TMPRSS4: variants seen among roughly 807,000 people sequenced by gnomAD.
TMPRSS4 encodes transmembrane protease serine 4.
In TMPRSS4, 45 loss-of-function variants were observed where a neutral mutation model predicts 56.4. The ratio of observed to expected loss-of-function variants is 0.80; its 90% confidence interval spans 0.63 to 1.02. The LOEUF (loss-of-function observed/expected upper bound fraction) is 1.02, where lower values mean the gene tolerates loss of function less well. TMPRSS4 is among the 50% of genes least tolerant of loss of function. TMPRSS4 has a pLI of 0.00. For synonymous variants in TMPRSS4, 205 were observed against 211.0 expected, an observed-to-expected ratio of 0.97 and a Z score of 0.25; for missense variants, 546 against 556.7, an observed-to-expected ratio of 0.98 and a Z score of 0.19.
At chr11:118,086,855 GT>G (rs1467555559) in intron 1 of TMPRSS4, 1 of 152,870 alleles carries the variant, frequency 6.5e-6, no homozygotes, top group East Asian at 1.9e-4. Context: ...GCTGCTTGCC[GT>G]TGGTTTTGGG....
At chr11:118,099,299 C>A in intron 3 of TMPRSS4, 1 of 489,254 alleles carries the variant, frequency 2.0e-6, no homozygotes, top group South Asian at 3.2e-5. Context: ...TAAGTGGCAG[C>A]CCCTACTTGT....
intron 4 of TMPRSS4, among the ~76,000 whole-genome samples, chr11:118,104,222 C>T (rs11216755): frequency 0.52 from 79,725 of 151,938 alleles, 21,153 homozygotes; most frequent in Middle Eastern, 0.65. Context: ...ATCCTACTGC[C>T]AGTAGGACTT....
In TMPRSS4 at chr11:118,107,998, C is replaced by T. The variant is rs1947084853; in HGVS notation, c.542+123C>T. ...GAATGTAAGCAGACATCAGGAAGAA[C>T]TCCTAGCCAGATGGATCATTCAATG... On this transcript the variant is annotated intron_variant, in intron 6 of 12. Transcript: ENST00000437212. 5.5e-6 allele frequency: 4 copies of T among 721,034 alleles called. No homozygotes were observed. The South Asian group carries it at 7.0e-5, about 13-fold the overall frequency. The allele number at this position is 721,034 out of a possible 1,614,324, so 44.7% of individuals were successfully genotyped here. A position where few individuals can be genotyped will look rare whatever the true frequency, so the allele number is the denominator to read the frequency against.
downstream of TMPRSS4, among the ~76,000 whole-genome samples, chr11:118,124,736 T>G (rs746401822): frequency 4.6e-5 from 7 of 152,206 alleles, no homozygotes; most frequent in Non-Finnish European, 7.3e-5. Flanking sequence ...GCCTGATAAA[T>G]AGACATATAC....
At chr11:118,091,754 G>A (rs549265167) in intron 1 of TMPRSS4, among the ~76,000 whole-genome samples, 73 of 152,310 alleles carry the variant, frequency 4.8e-4, no homozygotes, top group African/African-American at 1.7e-3. Flanking sequence ...CTAGACAAGA[G>A]TTAGATGAAA....
intron 1 of TMPRSS4, among the ~76,000 whole-genome samples, chr11:118,093,742 A>G (rs369656535): frequency 1.3e-5 from 2 of 152,262 alleles, no homozygotes; most frequent in East Asian, 3.9e-4. Flanking sequence ...CACCTATGTA[A>G]CCAATGTTGA....
rs942327839 is a variant in TMPRSS4 at position 118,079,774 on chromosome 11, C to T, written c.3+2469C>T. On this transcript the variant is annotated intron_variant, in intron 1 of 12. Transcript: ENST00000437212. The stretch of plus-strand genomic sequence containing the variant: ...CAGAAACGTGGCAGTCAGGAGCCAG[C>T]CTGCGGGCAGCGGGGTGCTGGGAGC... Among the ~76,000 whole-genome samples, 10 of 152,300 alleles carry T rather than the reference C, an allele frequency of 6.6e-5. No homozygotes were observed. The East Asian group carries it at 9.6e-4, about 15-fold the overall frequency.
chr11:118,110,462 C>T (rs1490593688), intron 7 of TMPRSS4, among the ~76,000 whole-genome samples: 13 of 152,074 alleles, frequency 8.5e-5, no homozygotes, highest in Non-Finnish European at 1.9e-4. Flanking sequence ...CTGCCTCAGC[C>T]CCCTAAATAG....
At chr11:118,115,906 G>A (rs1591412558) in intron 11 of TMPRSS4, among the ~76,000 whole-genome samples, 1 of 152,058 alleles carries the variant, frequency 6.6e-6, no homozygotes, top group South Asian at 2.1e-4. Context: ...AGCCCCTTGA[G>A]GTCAGGAATC....
At chr11:118,112,283 T>C (rs1359241276) in intron 8 of TMPRSS4, among the ~76,000 whole-genome samples, 1 of 151,362 alleles carries the variant, frequency 6.6e-6, no homozygotes, top group East Asian at 1.9e-4. Context: ...TCATTATGTC[T>C]GGAAACTTTA....
chr11:118,091,034 C>T (rs189125232), intron 1 of TMPRSS4, among the ~76,000 whole-genome samples: 1 of 152,128 alleles, frequency 6.6e-6, no homozygotes, highest in Non-Finnish European at 1.5e-5. Context: ...TGCAGGCATG[C>T]ATGCACAGGT....
At chr11:118,105,612 C>T (rs151156619) in intron 5 of TMPRSS4, 112 of 152,222 alleles carry the variant, frequency 7.4e-4, no homozygotes, top group African/African-American at 2.6e-3. Flanking sequence ...TGTAGGACAT[C>T]ATCTCTAAGG....
Position 118,118,094 on chromosome 11 carries a change from C to G in TMPRSS4, c.*181C>G. 6.9e-7 allele frequency: 1 copy of G among 1,442,586 alleles called. No individual in the cohort carries two copies. The highest frequency in any genetic ancestry group is 9.1e-7 in the Non-Finnish European group (1 of 1,103,818). 89.4% of individuals were successfully genotyped at this position (1,442,586 alleles called of 1,614,324 possible). Reference sequence around the variant, plus strand: ...ATAAGAGACCCTCGCAGCCCAGAGGCGCCCAGAGGAAGTCAGCAGCCCTAG... The same window carrying G: ...ATAAGAGACCCTCGCAGCCCAGAGGGGCCCAGAGGAAGTCAGCAGCCCTAG... On this transcript the variant is annotated 3_prime_UTR_variant, in exon 13 of 13. Coordinates refer to ENST00000437212, the MANE Select transcript of TMPRSS4 (RefSeq NM_019894.4).
chr11:118,086,319 G>A (rs1945551574), intron 1 of TMPRSS4, among the ~76,000 whole-genome samples: 1 of 152,348 alleles, frequency 6.6e-6, no homozygotes, highest in Admixed American at 6.5e-5. Flanking sequence ...CCCAGGCCCT[G>A]CCCTGGAGCC....
chr11:118,096,107 T>C (rs1218807918), intron 2 of TMPRSS4, among the ~76,000 whole-genome samples: 1 of 152,186 alleles, frequency 6.6e-6, no homozygotes, highest in Non-Finnish European at 1.5e-5. Context: ...AAATAAATCA[T>C]GCATGAATTC....
chr11:118,090,134 A>T (rs752222341), intron 1 of TMPRSS4, among the ~76,000 whole-genome samples: 7 of 152,138 alleles, frequency 4.6e-5, no homozygotes, highest in Non-Finnish European at 8.8e-5. Flanking sequence ...AAGCCACCGT[A>T]CCTGGCCCCA....
At chr11:118,101,676 A>C (rs186966690) in intron 3 of TMPRSS4, among the ~76,000 whole-genome samples, 1 of 152,134 alleles carries the variant, frequency 6.6e-6, no homozygotes, top group African/African-American at 2.4e-5. Context: ...CGAGGGTCTC[A>C]CTATGTTGCC....
intron 1 of TMPRSS4, among the ~76,000 whole-genome samples, chr11:118,082,026 C>T (rs1040013172): frequency 4.6e-5 from 7 of 152,174 alleles, no homozygotes; most frequent in Non-Finnish European, 8.8e-5. Flanking sequence ...ACATCACTCA[C>T]GATCACATCT....
intron 9 of TMPRSS4, among the ~76,000 whole-genome samples, chr11:118,114,483 A>G (rs2135456715): frequency 6.6e-6 from 1 of 152,332 alleles, no homozygotes; most frequent in African/African-American, 2.4e-5. Context: ...TAGGGTAGGC[A>G]AGATTGAGCA....
Sources: gnomAD v4.1 joint callset for allele counts (sites outside exome capture counted in the v4.1 genomes callset) on GRCh38, gnomAD v4.1.1 for gene constraint, MANE v1.5 for transcripts, NCBI Gene and HGNC (gene_info 2026-07-23, HGNC 2026-07-21) for gene names.